The following FAM227B variants were observed in gnomAD, a reference collection of about 807,000 sequenced individuals.
FAM227B encodes the protein family with sequence similarity 227 member B.
In FAM227B, 88 loss-of-function variants were observed where a neutral mutation model predicts 73.8. The ratio of observed to expected loss-of-function variants is 1.19; its 90% confidence interval spans 1.00 to 1.42. The LOEUF is 1.42. FAM227B is among the 40% of genes most tolerant of loss of function. The probability of loss-of-function intolerance (pLI) is 0.00; values close to 1 mark genes in which losing one functional copy is unlikely to be tolerated. For missense variants in FAM227B, 632 were observed against 590.9 expected (o/e 1.07, Z -0.72); for synonymous variants, 210 against 190.5 (o/e 1.10, Z -0.84).
chr15:49,410,267 A>G (rs2048783971), intron 11 of FAM227B, among the ~76,000 whole-genome samples: 1 of 152,164 alleles, frequency 6.6e-6, no homozygotes, highest in Non-Finnish European at 1.5e-5. Context: ...ATTAAGAACA[A>G]TATTTCAAAT....
At chr15:49,351,001 C>G (rs2042164798) in intron 13 of FAM227B, among the ~76,000 whole-genome samples, 1 of 152,208 alleles carries the variant, frequency 6.6e-6, no homozygotes, top group Admixed American at 6.5e-5. Flanking sequence ...CTACACAGTT[C>G]TTAGAGGGAC....
At chr15:49,446,236 C>T (rs2052199718) in intron 11 of FAM227B, among the ~76,000 whole-genome samples, 1 of 151,474 alleles carries the variant, frequency 6.6e-6, no homozygotes, top group South Asian at 2.1e-4. Context: ...CTTAGAAAAT[C>T]TTAACTGAAT....
Position 49,483,315 on chromosome 15 carries a change from C to T in FAM227B, c.1012+24896G>A, listed in dbSNP as rs951587630. 1.1e-5 allele frequency: 9 copies of T among 830,834 alleles called. No individual in the cohort carries two copies. The African/African-American group carries it at 1.2e-4, about 11-fold the overall frequency. The allele number at this position is 830,834 out of a possible 1,614,324, so 51.5% of individuals were successfully genotyped here. On this transcript the variant is annotated intron_variant, in intron 11 of 15. Coordinates refer to ENST00000299338, the MANE Select transcript of FAM227B (RefSeq NM_152647.3). ...AACTCATTTTTGTCAAAATATCTCA[C>T]CTTTCTGAAAAGTAAAAATGGAATT...
chr15:49,357,990 A>G (rs1203588547), intron 13 of FAM227B, among the ~76,000 whole-genome samples: 3 of 152,110 alleles, frequency 2.0e-5, no homozygotes, highest in Admixed American at 6.5e-5. Context: ...CAAAAACCAC[A>G]TGATTATCTC....
chr15:49,441,350 A>G (rs2051622984), intron 11 of FAM227B, among the ~76,000 whole-genome samples: 2 of 151,804 alleles, frequency 1.3e-5, no homozygotes, highest in Non-Finnish European at 1.5e-5. Flanking sequence ...AGCATAACAT[A>G]TGTCTTGGAT....
intron 8 of FAM227B, among the ~76,000 whole-genome samples, chr15:49,572,426 G>T (rs1053682004): frequency 1.3e-5 from 2 of 151,854 alleles, no homozygotes; most frequent in Admixed American, 1.3e-4. Context: ...CATCTCATAA[G>T]TTTTGGTATG....
chr15:49,609,990 C>T (rs560235162), intron 3 of FAM227B, among the ~76,000 whole-genome samples: 14 of 152,012 alleles, frequency 9.2e-5, no homozygotes, highest in African/African-American at 3.4e-4. Context: ...GATGATACTA[C>T]TGACATACTA....
At chr15:49,525,627 G>C (rs777173570) in intron 10 of FAM227B, among the ~76,000 whole-genome samples, 1 of 117,266 alleles carries the variant, frequency 8.5e-6, no homozygotes, top group Non-Finnish European at 1.8e-5. Flanking sequence ...CATCAAATGT[G>C]TACAGATACC....
chr15:49,605,293 G>A (rs1313141646), intron 3 of FAM227B, among the ~76,000 whole-genome samples: 2 of 152,188 alleles, frequency 1.3e-5, no homozygotes, highest in African/African-American at 2.4e-5. Context: ...CCTGTTACCT[G>A]AGCCCACAGT....
chr15:49,442,406 A>G (rs1478998047), intron 11 of FAM227B, among the ~76,000 whole-genome samples: 1 of 151,740 alleles, frequency 6.6e-6, no homozygotes, highest in African/African-American at 2.4e-5. Flanking sequence ...TTGTGAGAGT[A>G]AAATGTGAGA....
intron 10 of FAM227B, among the ~76,000 whole-genome samples, chr15:49,521,897 C>T (rs2059815552): frequency 6.6e-6 from 1 of 152,192 alleles, no homozygotes; most frequent in Non-Finnish European, 1.5e-5. Flanking sequence ...CACATTCAAC[C>T]ATGAACTCCC....
At chr15:49,611,340 T>C (rs2077901661) in intron 2 of FAM227B, 72 bp from the exon 3 acceptor site, 1 of 773,168 alleles carries the variant, frequency 1.3e-6, no homozygotes, top group Admixed American at 2.4e-5. Flanking sequence ...ACAAATAATT[T>C]ACTTAAATAA....
chr15:49,425,401 C>A (rs888948016), intron 11 of FAM227B: 2 of 151,832 alleles, frequency 1.3e-5, no homozygotes, highest in South Asian at 4.2e-4. Context: ...TGATGAATAA[C>A]CAACTTCAAT....
At chr15:49,470,019 C>T (rs1479213351) in intron 11 of FAM227B, among the ~76,000 whole-genome samples, 3 of 152,092 alleles carry the variant, frequency 2.0e-5, no homozygotes. Context: ...GGTAGCTATG[C>T]TTTAACATAT....
intron 11 of FAM227B, among the ~76,000 whole-genome samples, chr15:49,503,418 G>C: frequency 6.6e-6 from 1 of 152,184 alleles, no homozygotes; most frequent in Non-Finnish European, 1.5e-5. Context: ...AGCCAGAATT[G>C]ACAATTGAGA....
chr15:49,334,347 G>T, intron 14 of FAM227B: 1 of 531,902 alleles, frequency 1.9e-6, no homozygotes, highest in Non-Finnish European at 2.4e-6. Flanking sequence ...ATTACTAATT[G>T]GGAAAGAATA....
intron 11 of FAM227B, among the ~76,000 whole-genome samples, chr15:49,477,420 G>C (rs548693599): frequency 6.6e-5 from 10 of 152,242 alleles, no homozygotes; most frequent in African/African-American, 2.4e-4. Flanking sequence ...TCATATGGCT[G>C]GAATCATACA....
intron 3 of FAM227B, among the ~76,000 whole-genome samples, chr15:49,595,118 T>C (rs1339528048): frequency 2.0e-5 from 3 of 152,222 alleles, no homozygotes; most frequent in Admixed American, 1.3e-4. Flanking sequence ...TTTTATAGTT[T>C]ATCTTGTAGA....
chr15:49,442,326 G>T (rs933431118), intron 11 of FAM227B, among the ~76,000 whole-genome samples: 1 of 151,556 alleles, frequency 6.6e-6, no homozygotes, highest in African/African-American at 2.4e-5. Flanking sequence ...TCAGGGCCCA[G>T]ATTAAGTCTC....
Sources: allele counts gnomAD v4.1 joint callset (sites outside exome capture counted in the v4.1 genomes callset), GRCh38; gene constraint gnomAD v4.1.1; transcripts MANE v1.5; gene names NCBI Gene and HGNC (gene_info 2026-07-23, HGNC 2026-07-21).